The following LAMC1 variants were observed in gnomAD, a reference collection of about 807,000 sequenced individuals.
LAMC1 encodes the protein laminin subunit gamma-1.
In LAMC1, 38 loss-of-function variants were observed where a neutral mutation model predicts 173.6. That is an observed-to-expected ratio of 0.22 (90% CI 0.17 to 0.29). The LOEUF (loss-of-function observed/expected upper bound fraction) is 0.29. Ranked by LOEUF, LAMC1 falls within the 10% of genes least tolerant of loss-of-function variation. The pLI is 1.00. For missense variants in LAMC1, 1,824 were observed against 2,051.8 expected, an observed-to-expected ratio of 0.89 and a Z score of 2.14; for synonymous variants, 746 against 749.1, an observed-to-expected ratio of 1.00 and a Z score of 0.07.
intron 1 of LAMC1, among the ~76,000 whole-genome samples, chr1:183,081,549 AAAATAAATAAAT>A (rs71127333): frequency 0.18 from 24,599 of 139,454 alleles, 4,125 homozygotes; most frequent in African/African-American, 0.43. Flanking sequence ...CTCCGCCTCA[AAAATAAATAAAT>A]AAATAAATAA....
intron 24 of LAMC1, 73 bp from the exon 25 acceptor site, chr1:183,136,313 T>A: frequency 7.6e-7 from 1 of 1,323,990 alleles, no homozygotes; most frequent in Non-Finnish European, 1.1e-6. Flanking sequence ...CAAAATCCAG[T>A]TGGAACTCCC....
Position 183,124,523 on chromosome 1 carries a change from G to A in LAMC1, c.2402-108G>A. On this transcript the variant is annotated intron_variant, in intron 13 of 27. Transcript: ENST00000258341. ...GGTCCTCTGCCCTCCACTGCACCAT[G>A]TCTTCTCTCATGTGATGATTACACT... The A allele has an allele frequency of 2.2e-6, 3 of 1,363,134 alleles. No individual in the cohort carries two copies. In the African/African-American group the frequency reaches 4.3e-5, roughly 19 times the overall value. 84.4% of individuals were successfully genotyped at this position (1,363,134 alleles called of 1,614,324 possible). A position where few individuals can be genotyped will look rare whatever the true frequency, so the allele number is the denominator to read the frequency against.
intron 1 of LAMC1, among the ~76,000 whole-genome samples, chr1:183,058,652 A>G (rs563297022): frequency 1.3e-5 from 2 of 152,312 alleles, no homozygotes; most frequent in African/African-American, 4.8e-5. Flanking sequence ...CTTTACTTAT[A>G]CTAATGTTTC....
At chr1:183,038,164 T>C (rs989382247) in intron 1 of LAMC1, among the ~76,000 whole-genome samples, 2 of 151,928 alleles carry the variant, frequency 1.3e-5, no homozygotes, top group African/African-American at 4.8e-5. Context: ...GCCTCCTGAG[T>C]AGCTGGGACT....
chr1:183,096,141 A>T (rs1655686841), intron 1 of LAMC1, among the ~76,000 whole-genome samples: 1 of 152,204 alleles, frequency 6.6e-6, no homozygotes, highest in Non-Finnish European at 1.5e-5. Context: ...GCATTAGGTT[A>T]GTGCTGTGAT....
At chr1:183,130,735 A>G (rs184592809) in intron 19 of LAMC1, among the ~76,000 whole-genome samples, 186 bp downstream of exon 19, 81 of 152,352 alleles carry the variant, frequency 5.3e-4, no homozygotes, top group African/African-American at 1.5e-3. Flanking sequence ...TAAAAACTGG[A>G]TAAAAACCAA....
rs758933738 is a variant in LAMC1, at chr1:183,140,552, G to GT, written c.4573+51dup. 3.1e-5 allele frequency: 38 copies of GT among 1,245,876 alleles called. No individual in the cohort carries two copies. In the African/African-American group the frequency reaches 4.3e-4, roughly 14 times the overall value. 77.2% of individuals were successfully genotyped at this position (1,245,876 alleles called of 1,614,324 possible). ...TGTCAGTCTCTGAATCTTTTGTACT[G>GT]TTCTTAGGATCTGATATAGTACAGT... is the stretch of plus-strand genomic sequence containing the variant. On this transcript the variant is annotated intron_variant, in intron 27 of 27. Transcript: ENST00000258341.
chr1:183,113,815 T>C (rs1656237076), intron 4 of LAMC1, among the ~76,000 whole-genome samples: 1 of 152,224 alleles, frequency 6.6e-6, no homozygotes, highest in African/African-American at 2.4e-5. Flanking sequence ...TAAGGTAAAT[T>C]GAAGCCTGCA....
intron 1 of LAMC1, among the ~76,000 whole-genome samples, chr1:183,029,298 T>C (rs996543568): frequency 7.2e-5 from 11 of 152,150 alleles, no homozygotes; most frequent in Non-Finnish European, 1.5e-4. Context: ...TTACTGTAAG[T>C]TCCTTACTGT....
chr1:183,114,332 A>G (rs1656255603), intron 4 of LAMC1, among the ~76,000 whole-genome samples, 199 bp from the exon 5 acceptor site: 1 of 152,146 alleles, frequency 6.6e-6, no homozygotes, highest in African/African-American at 2.4e-5. Context: ...CAGCCTTCCA[A>G]AGTGCTGGGA....
rs538624641 is a variant in LAMC1 at position 183,135,638 on chromosome 1, A to C, written c.4114+482A>C. Among the ~76,000 whole-genome samples the C allele has an allele frequency of 2.0e-5, 3 of 152,234 alleles. No homozygotes were observed. The South Asian group carries it at 6.2e-4, about 32-fold the overall frequency. Reference sequence around the variant, plus strand: ...AGGCACGGTGGCCTGTAATCCCAACACTTCGGGAGGAAGGATCACTGGAGG... The same window carrying C: ...AGGCACGGTGGCCTGTAATCCCAACCCTTCGGGAGGAAGGATCACTGGAGG... On this transcript the variant is annotated intron_variant, in intron 24 of 27. Coordinates refer to ENST00000258341, the MANE Select transcript of LAMC1 (RefSeq NM_002293.4).
chr1:183,023,591 C>A lies in LAMC1; in HGVS notation c.-126C>A. 1.5e-6 allele frequency: 1 copy of A among 682,562 alleles called. No individual in the cohort carries two copies. The highest frequency in any genetic ancestry group is 1.9e-6 in the Non-Finnish European group (1 of 521,976). 42.3% of individuals were successfully genotyped at this position (682,562 alleles called of 1,614,324 possible). On this transcript the variant is annotated 5_prime_UTR_variant, in exon 1 of 28. Transcript: ENST00000258341. Reference sequence around the variant, plus strand: ...TCCGGCGCGAGCCGCCGCCACCGCCCGCGCCGGAGTCAGGCCCCTGGGCCC... The same window carrying A: ...TCCGGCGCGAGCCGCCGCCACCGCCAGCGCCGGAGTCAGGCCCCTGGGCCC...
chr1:183,112,604 G>A (rs1411991316), intron 4 of LAMC1, among the ~76,000 whole-genome samples: 1 of 152,048 alleles, frequency 6.6e-6, no homozygotes, highest in Non-Finnish European at 1.5e-5. Context: ...TCTCAAGGAG[G>A]GAGCCATGGC....
chr1:183,135,262 CT>C, intron 24 of LAMC1, 106 bp downstream of exon 24: 4 of 689,018 alleles, frequency 5.8e-6, no homozygotes, highest in Non-Finnish European at 1.0e-5. Flanking sequence ...CAACTCCCTA[CT>C]TTTTTTATGC....
At chr1:183,035,650 G>C (rs149665461) in intron 1 of LAMC1, among the ~76,000 whole-genome samples, 18 of 152,290 alleles carry the variant, frequency 1.2e-4, no homozygotes, top group African/African-American at 4.3e-4. Flanking sequence ...TGCTCTACCT[G>C]TGAAAAGAAA....
intron 16 of LAMC1, 94 bp from the exon 17 acceptor site, chr1:183,127,132 C>A: frequency 8.5e-7 from 1 of 1,173,822 alleles, no homozygotes; most frequent in Non-Finnish European, 1.2e-6. Context: ...ACAGTATAGT[C>A]AGCTTATAGT....
At chr1:183,097,712 G>A (rs1449342371) in intron 1 of LAMC1, among the ~76,000 whole-genome samples, 3 of 152,192 alleles carry the variant, frequency 2.0e-5, no homozygotes, top group Non-Finnish European at 4.4e-5. Flanking sequence ...CATGAACAAA[G>A]GCTGGATTCT....
chr1:183,065,347 A>G (rs1251194022), intron 1 of LAMC1, among the ~76,000 whole-genome samples: 1 of 152,202 alleles, frequency 6.6e-6, no homozygotes, highest in African/African-American at 2.4e-5. Flanking sequence ...GGGGCTGGCA[A>G]GTCCAAAATC....
At chr1:183,028,913 T>C (rs1653765736) in intron 1 of LAMC1, among the ~76,000 whole-genome samples, 1 of 152,248 alleles carries the variant, frequency 6.6e-6, no homozygotes, top group Admixed American at 6.5e-5. Context: ...TTGTTGGTTA[T>C]GGTCAATTTG....
Sources: allele counts gnomAD v4.1 joint callset (sites outside exome capture counted in the v4.1 genomes callset), GRCh38; gene constraint gnomAD v4.1.1; transcripts MANE v1.5; gene names NCBI Gene and HGNC (gene_info 2026-07-23, HGNC 2026-07-21).